Variants in PSMD11 observed in about 807,000 individuals in gnomAD.
PSMD11 encodes proteasome 26S subunit, non-ATPase 11, also known as 26S proteasome non-ATPase regulatory subunit 11.
A neutral mutation model predicts 62.3 loss-of-function variants in PSMD11; 5 were observed. That is an observed-to-expected ratio of 0.08 (90% CI 0.04 to 0.17). PSMD11 has a LOEUF of 0.17. Among genes scored for constraint, PSMD11 ranks in the 10% least tolerant of loss-of-function variants. The pLI, the probability that PSMD11 is intolerant of heterozygous loss-of-function variation, is 1.00. For missense variants in PSMD11, 310 were observed against 512.9 expected (o/e 0.60, Z 3.82); for synonymous variants, 191 against 191.8 (o/e 1.00, Z 0.03).
chr17:32,469,723 C>T (rs1178456276), intron 6 of PSMD11, among the ~76,000 whole-genome samples: 3 of 151,050 alleles, frequency 2.0e-5, no homozygotes, highest in African/African-American at 4.9e-5. Context: ...TTACTGGAGG[C>T]GTCATTATTG....
In PSMD11 at chr17:32,444,570, T is replaced by A; in HGVS notation, c.47T>A (p.Leu16His). The A allele has an allele frequency of 6.2e-7, 1 of 1,611,836 alleles. No individual in the cohort carries two copies. ...GAGTTCCAGAGAGCCCAGTCTCTACTCAGCACCGACCGGGAGGCCTCCATC... is the reference window on the plus strand; with the variant it reads ...GAGTTCCAGAGAGCCCAGTCTCTACACAGCACCGACCGGGAGGCCTCCATC... ...VVEFQRAQSL[L>H]STDREASIDI... The change falls in exon 1 of 14, where the codon CTC becomes CAC. Residue 16 changes from leucine (L) to histidine (H), a missense_variant. By Grantham distance (99) the Leu-to-His change is moderately conservative. Around this residue, in one of 6 missense-constraint regions of PSMD11, gnomAD observed 28 missense variants for 21.2 expected, o/e 1.32. Coordinates refer to ENST00000261712, the MANE Select transcript of PSMD11 (RefSeq NM_002815.4).
At chr17:32,463,210 T>C (rs1907892285) in intron 3 of PSMD11, among the ~76,000 whole-genome samples, 2 of 152,268 alleles carry the variant, frequency 1.3e-5, no homozygotes, top group Admixed American at 6.5e-5. Context: ...TGCTAGACTG[T>C]CTAGCATTGA....
Position 32,482,375 on chromosome 17 carries a change from T to C in PSMD11, c.*1623T>C, listed in dbSNP as rs1908521781. ...CCAATAAAAATAATTTTTTTTTTTT[T>C]CAAAAGGTGTCTTTTTCTTGAGTGC... On this transcript the variant is annotated 3_prime_UTR_variant, in exon 14 of 14. Coordinates refer to ENST00000261712, the MANE Select transcript of PSMD11 (RefSeq NM_002815.4). The C allele has an allele frequency of 6.6e-6, 1 of 151,788 alleles. No homozygotes were observed. Among genetic ancestry groups the C allele is most frequent in the African/African-American group, 2.4e-5 (1 of 41,130 alleles). The allele number at this position is 151,788 out of a possible 1,614,324, so 9.4% of individuals were successfully genotyped here.
At chr17:32,479,646 G>C in intron 10 of PSMD11, 1 of 707,986 alleles carries the variant, frequency 1.4e-6, no homozygotes, top group South Asian at 1.9e-5. Flanking sequence ...TTCTGTATTG[G>C]GTGTGTGGGA....
chr17:32,474,579 T>C (rs1908263919), intron 7 of PSMD11, among the ~76,000 whole-genome samples, 185 bp from the exon 8 acceptor site: 1 of 152,196 alleles, frequency 6.6e-6, no homozygotes, highest in Admixed American at 6.5e-5. Flanking sequence ...GGCTGAGCTG[T>C]GACCCAGAGT....
chr17:32,445,319 A>G (rs1001992120), intron 1 of PSMD11: 3 of 152,358 alleles, frequency 2.0e-5, no homozygotes, highest in Non-Finnish European at 2.9e-5. Flanking sequence ...GGAGGTGACT[A>G]ATCTTTCCAG....
At chr17:32,467,055 C>T (rs1908011634) in intron 5 of PSMD11, among the ~76,000 whole-genome samples, 1 of 151,862 alleles carries the variant, frequency 6.6e-6, no homozygotes, top group African/African-American at 2.4e-5. Context: ...AGCAATTCTC[C>T]TGCCTCAGCC....
At chr17:32,467,239 GGCCTTTTTTTTTTTTTT>G (rs1908020030) in intron 5 of PSMD11, among the ~76,000 whole-genome samples, 1 of 141,672 alleles carries the variant, frequency 7.1e-6, no homozygotes, top group South Asian at 2.2e-4. Context: ...CACCATGCCC[GGCCTTTTTTTTTTTTTT>G]TTTTTTCTTG....
rs1025325903 is a variant in PSMD11 at position 32,454,346 on chromosome 17, A to G, written c.194-149A>G. 5 of 727,276 alleles carry G rather than the reference A, an allele frequency of 6.9e-6. No individual in the cohort carries two copies. The African/African-American group carries it at 7.2e-5, about 10-fold the overall frequency. The allele number at this position is 727,276 out of a possible 1,614,324, so 45.1% of individuals were successfully genotyped here. A position where few individuals can be genotyped will look rare whatever the true frequency, so the allele number is the denominator to read the frequency against. ...TATTTTTGCTATTCTGCTATTTGCT[A>G]GGAATGCTTTAAACTCCTAGTAAGT... On this transcript the variant is annotated intron_variant, in intron 2 of 13. Transcript: ENST00000261712.
intron 6 of PSMD11, among the ~76,000 whole-genome samples, chr17:32,470,117 A>G (rs1464575190): frequency 2.6e-5 from 4 of 151,564 alleles, no homozygotes; most frequent in Admixed American, 6.6e-5. Flanking sequence ...GGCTCAAGTG[A>G]TCCTCCTATC....
chr17:32,466,260 G>T (rs1482846350), intron 5 of PSMD11, among the ~76,000 whole-genome samples: 1 of 152,178 alleles, frequency 6.6e-6, no homozygotes, highest in African/African-American at 2.4e-5. Context: ...GCCTCCCAAA[G>T]TACTGGGATT....
intron 3 of PSMD11, among the ~76,000 whole-genome samples, chr17:32,463,686 T>TA (rs1907910204): frequency 6.6e-6 from 1 of 152,250 alleles, no homozygotes; most frequent in Admixed American, 6.5e-5. Context: ...ACATTACCAT[T>TA]ACTATTTCTA....
intron 10 of PSMD11, 89 bp downstream of exon 10, chr17:32,479,465 T>G (rs1350110985): frequency 1.3e-6 from 2 of 1,521,030 alleles, no homozygotes; most frequent in South Asian, 1.3e-5. Context: ...GGAACTCACT[T>G]CTAGGGGTGT....
intron 6 of PSMD11, 70 bp downstream of exon 6, chr17:32,469,263 G>T: frequency 1.3e-6 from 2 of 1,482,088 alleles, no homozygotes; most frequent in South Asian, 1.3e-5. Context: ...GGAAGGAATG[G>T]GGGTTGGGGC....
intron 6 of PSMD11, among the ~76,000 whole-genome samples, chr17:32,471,861 G>A (rs1908171746): frequency 6.6e-6 from 1 of 151,760 alleles, no homozygotes; most frequent in South Asian, 2.1e-4. Context: ...TGCTGACTAT[G>A]GTGACTTTGG....
At position 32,469,026 on chromosome 17, in the gene PSMD11, A is replaced by T; in HGVS notation, c.476A>T (p.Lys159Met). 6.2e-7 allele frequency: 1 copy of T among 1,613,718 alleles called. No individual in the cohort carries two copies. Among genetic ancestry groups the T allele is most frequent in the Non-Finnish European group, 8.5e-7 (1 of 1,179,850 alleles). The change falls in exon 6 of 14, where the codon AAG becomes ATG. Residue 159 changes from lysine to methionine, a missense_variant. Around this residue, in one of 6 missense-constraint regions of PSMD11, gnomAD observed 47 missense variants for 59.0 expected, o/e 0.80. Transcript: ENST00000261712. ...LGSQLLRELK[K>M]MDDKALLVEV... ...TCTCAGCTGCTGCGGGAGTTGAAAA[A>T]GATGGACGACAAAGCTCTTTTGGTG... is the stretch of plus-strand genomic sequence containing the variant.
chr17:32,463,894 A>G (rs1171118480), intron 3 of PSMD11, among the ~76,000 whole-genome samples, 155 bp from the exon 4 acceptor site: 1 of 152,226 alleles, frequency 6.6e-6, no homozygotes, highest in Non-Finnish European at 1.5e-5. Context: ...CTCCATTATG[A>G]TATAACTATT....
At chr17:32,479,493 C>T in intron 10 of PSMD11, 117 bp downstream of exon 10, 1 of 1,384,818 alleles carries the variant, frequency 7.2e-7, no homozygotes, top group East Asian at 2.3e-5. Context: ...GGGCAAGAGG[C>T]CACCAAGAGC....
chr17:32,477,705 C>A, intron 9 of PSMD11, 122 bp downstream of exon 9: 2 of 844,644 alleles, frequency 2.4e-6, no homozygotes, highest in Non-Finnish European at 3.7e-6. Context: ...TCCATGTATC[C>A]TTCACCTAGG....
Sources: gnomAD v4.1 joint callset for allele counts (sites outside exome capture counted in the v4.1 genomes callset) on GRCh38, gnomAD v4.1.1 for gene constraint, gnomAD v4.1.1 regional missense constraint, MANE v1.5 for transcripts, NCBI Gene and HGNC (gene_info 2026-07-23, HGNC 2026-07-21) for gene names.